SULT1E1: variants seen among roughly 807,000 people sequenced by gnomAD.
SULT1E1 encodes sulfotransferase 1E1.
SULT1E1 carries 36 observed loss-of-function variants against 33.6 expected under a neutral mutation model. The observed-to-expected ratio is 1.07, with a 90% CI of 0.82 to 1.41. SULT1E1 has a LOEUF of 1.41. Among genes scored for constraint, SULT1E1 ranks in the 40% most tolerant of loss-of-function variants. SULT1E1 has a pLI of 0.00. For synonymous variants in SULT1E1, 121 were observed against 111.7 expected (o/e 1.08, Z -0.53); for missense variants, 371 against 345.7 (o/e 1.07, Z -0.58).
rs1721200622 is a variant in SULT1E1 at position 69,854,654 on chromosome 4, A to G, written c.272-340T>C. The stretch of plus-strand genomic sequence containing the variant: ...TAGATAGAGAAAATTACATAGAAAA[A>G]TATAAAATGAAATAAAATTTCATCA... On this transcript the variant is annotated intron_variant, in intron 3 of 7. Coordinates refer to ENST00000226444, the MANE Select transcript of SULT1E1 (RefSeq NM_005420.3). Among the ~76,000 whole-genome samples, 3 of 152,036 alleles carry G rather than the reference A, an allele frequency of 2.0e-5. No homozygotes were observed. The South Asian group carries it at 6.2e-4, about 31-fold the overall frequency.
At chr4:69,855,155 T>G in intron 3 of SULT1E1, 146 bp downstream of exon 3, 2 of 821,034 alleles carry the variant, frequency 2.4e-6, no homozygotes, top group African/African-American at 1.7e-5. Context: ...TGTCAAGATT[T>G]AAATTTAAAT....
the SULT1E1 span, among the ~76,000 whole-genome samples, chr4:69,827,894 C>T: frequency 1.3e-5 from 2 of 152,186 alleles, no homozygotes; most frequent in East Asian, 3.9e-4. Flanking sequence ...AAAAGATTGT[C>T]CAATGAGAAA....
intron 5 of SULT1E1, 74 bp from the exon 6 acceptor site, chr4:69,847,866 C>T: frequency 1.3e-6 from 1 of 790,140 alleles, no homozygotes; most frequent in Non-Finnish European, 2.1e-6. Context: ...GTTCAAGCAA[C>T]AATAACAACA....
chr4:69,853,373 C>T (rs1408152541), intron 4 of SULT1E1, among the ~76,000 whole-genome samples: 1 of 152,128 alleles, frequency 6.6e-6, no homozygotes, highest in Non-Finnish European at 1.5e-5. Context: ...AGAGTCCAAA[C>T]ATCTTAACTT....
chr4:69,858,864 T>C (rs1317731830), intron 1 of SULT1E1, among the ~76,000 whole-genome samples: 1 of 152,170 alleles, frequency 6.6e-6, no homozygotes, highest in Non-Finnish European at 1.5e-5. Context: ...GTGAATTACT[T>C]TCTTGGTGTT....
downstream of SULT1E1, among the ~76,000 whole-genome samples, chr4:69,837,186 T>C (rs1302730434): frequency 1.3e-5 from 2 of 152,166 alleles, no homozygotes; most frequent in African/African-American, 4.8e-5. Flanking sequence ...ACAAGGACTT[T>C]CCATGTGTGA....
chr4:69,857,733 C>T, intron 1 of SULT1E1, 80 bp from the exon 2 acceptor site: 1 of 1,301,800 alleles, frequency 7.7e-7, no homozygotes, highest in Non-Finnish European at 1.0e-6. Flanking sequence ...TAACGGGACC[C>T]TCCTACATAC....
the SULT1E1 span, among the ~76,000 whole-genome samples, chr4:69,824,363 G>C: frequency 6.6e-6 from 1 of 152,156 alleles, no homozygotes; most frequent in Non-Finnish European, 1.5e-5. Flanking sequence ...CATGGACATA[G>C]AAAAAGAAAG....
chr4:69,855,329 C>T lies in SULT1E1; in HGVS notation c.243G>A (p.Leu81=). The change falls in exon 3 of 8, where the codon CTG becomes CTA. Residue 81 remains leucine (L), a synonymous_variant. Transcript: ENST00000226444. ...TCATGAGGTTTTCTTTTCTGCATTC[C>T]AGGAAAGGTATTCGATTAAAAATTA... is the stretch of plus-strand genomic sequence containing the variant. ...EDVIFNRIPF[L]ECRKENLMNG... The T allele has an allele frequency of 6.2e-7, 1 of 1,612,778 alleles. No homozygotes were observed. Among genetic ancestry groups the T allele is most frequent in the South Asian group, 1.1e-5 (1 of 90,992 alleles).
intron 4 of SULT1E1, among the ~76,000 whole-genome samples, chr4:69,852,288 G>A (rs917141499): frequency 1.3e-5 from 2 of 152,046 alleles, no homozygotes; most frequent in Admixed American, 6.6e-5. Flanking sequence ...ATCATTCTGT[G>A]TAATTTTATT....
At chr4:69,845,396 T>C (rs1386452038) in intron 6 of SULT1E1, among the ~76,000 whole-genome samples, 1 of 151,750 alleles carries the variant, frequency 6.6e-6, no homozygotes. Context: ...AAATATGTCA[T>C]GTACCCCATA....
At chr4:69,854,725 A>T (rs1721202251) in intron 3 of SULT1E1, among the ~76,000 whole-genome samples, 1 of 152,016 alleles carries the variant, frequency 6.6e-6, no homozygotes, top group African/African-American at 2.4e-5. Flanking sequence ...TTCTATACAA[A>T]TCTACTTATA....
chr4:69,828,350 C>T, the SULT1E1 span, among the ~76,000 whole-genome samples: 3 of 152,316 alleles, frequency 2.0e-5, no homozygotes, highest in Non-Finnish European at 2.9e-5. Flanking sequence ...GTAACACTCA[C>T]AGTGAAGGTC....
chr4:69,832,740 CTT>C, the SULT1E1 span, among the ~76,000 whole-genome samples: 1 of 152,202 alleles, frequency 6.6e-6, no homozygotes, highest in Non-Finnish European at 1.5e-5. Context: ...GTCTGGTGAC[CTT>C]TGTTACACTG....
chr4:69,860,075 T>C lies in SULT1E1; in HGVS notation c.-36A>G, dbSNP rs928392497. On this transcript the variant is annotated 5_prime_UTR_variant, in exon 1 of 8. Transcript: ENST00000226444. ...TGTTTAGTTGATCCTGTGAAAGAAA[T>C]TGATCTAGTTTATATCTCTTCAAAT... 1 of 152,178 alleles carries C rather than the reference T, an allele frequency of 6.6e-6. No homozygotes were observed. The highest frequency in any genetic ancestry group is 6.5e-5 in the Admixed American group (1 of 15,284). 9.4% of individuals were successfully genotyped at this position (152,178 alleles called of 1,614,324 possible).
At chr4:69,849,325 A>T (rs1192743803) in intron 5 of SULT1E1, 112 bp downstream of exon 5, 3 of 1,316,008 alleles carry the variant, frequency 2.3e-6, no homozygotes, top group Non-Finnish European at 3.1e-6. Context: ...CTGTGTTTTA[A>T]CTATGAATCA....
At chr4:69,822,458 A>T in the SULT1E1 span, among the ~76,000 whole-genome samples, 19 of 152,166 alleles carry the variant, frequency 1.2e-4, no homozygotes, top group Middle Eastern at 3.2e-3. Context: ...AATACTAAAA[A>T]TTAGCCAAAC....
At chr4:69,844,377 A>G (rs767735910) in intron 6 of SULT1E1, 36 bp from the exon 7 acceptor site, 4 of 1,485,444 alleles carry the variant, frequency 2.7e-6, no homozygotes, top group South Asian at 1.2e-5. Context: ...CTAAATTGCT[A>G]AAACTGAATA....
the SULT1E1 span, among the ~76,000 whole-genome samples, chr4:69,832,392 G>A: frequency 6.6e-6 from 1 of 152,206 alleles, no homozygotes; most frequent in East Asian, 1.9e-4. Flanking sequence ...GAAAAATCAG[G>A]AGGGCAAGAG....
Sources: gnomAD v4.1 joint callset for allele counts (sites outside exome capture counted in the v4.1 genomes callset) on GRCh38, gnomAD v4.1.1 for gene constraint, MANE v1.5 for transcripts, NCBI Gene and HGNC (gene_info 2026-07-23, HGNC 2026-07-21) for gene names.